Variants in CELF2 observed in about 807,000 individuals in gnomAD.
CELF2 encodes CUGBP Elav-like family member 2.
A neutral mutation model predicts 62.6 loss-of-function variants in CELF2; 8 were observed. The observed-to-expected ratio is 0.13, with a 90% CI of 0.07 to 0.23. The LOEUF is 0.23. Ranked by LOEUF, CELF2 falls within the 10% of genes least tolerant of loss-of-function variation. The pLI is 1.00. For synonymous variants in CELF2, 258 were observed against 250.0 expected (o/e 1.03, Z -0.30); for missense variants, 333 against 671.0 (o/e 0.50, Z 5.56).
the CELF2 span, among the ~76,000 whole-genome samples, chr10:10,558,106 T>G: frequency 6.6e-6 from 1 of 151,768 alleles, no homozygotes; most frequent in Non-Finnish European, 1.5e-5. Context: ...CATCCCTGTC[T>G]TGTGCCAGTT....
At chr10:11,013,152 C>T (rs548919352), upstream of CELF2, among the ~76,000 whole-genome samples, 2 of 152,206 alleles carry the variant, frequency 1.3e-5, no homozygotes, top group Admixed American at 6.5e-5. This position sits in a 1 kb window ranked among gnomAD's most constrained non-coding sequence, Gnocchi z 4.1. Context: ...GAGCAACCCA[C>T]GGCTCCTTTC....
chr10:11,186,746 C>T (rs1326523692), intron 2 of CELF2, among the ~76,000 whole-genome samples: 1 of 151,978 alleles, frequency 6.6e-6, no homozygotes, highest in Non-Finnish European at 1.5e-5. Flanking sequence ...AAGGGATGCT[C>T]AACCAGTAAG....
At position 10,936,430 on chromosome 10, in the gene CELF2, A is replaced by C. The variant is rs2046396865; in HGVS notation, c.89+16431A>C. ...TAGAGCTCCATGGAACCTGTTTTGC[A>C]TCGTCTCCTTGTTTCACAGATGAAT... On this transcript the variant is annotated intron_variant, in intron 2 of 13. Transcript: ENST00000636488. This position sits in a 1 kb window ranked among gnomAD's most constrained non-coding sequence, Gnocchi z 4.0. Among the ~76,000 whole-genome samples the C allele has an allele frequency of 6.6e-6, 1 of 152,170 alleles. No individual in the cohort carries two copies. The highest frequency in any genetic ancestry group is 2.4e-5 in the African/African-American group (1 of 41,444).
chr10:11,323,177 C>G (rs1240218696), intron 11 of CELF2, among the ~76,000 whole-genome samples: 1 of 152,122 alleles, frequency 6.6e-6, no homozygotes, highest in East Asian at 1.9e-4. Context: ...AATTCCCCTT[C>G]TGAGATTAAG....
chr10:10,511,684 G>T, the CELF2 span, among the ~76,000 whole-genome samples: 4 of 151,834 alleles, frequency 2.6e-5, no homozygotes, highest in African/African-American at 9.7e-5. Context: ...TGAGATCTCG[G>T]GTAATTTCTT....
Position 11,217,415 on chromosome 10 carries a change from C to T in CELF2, c.272-10C>T. The T allele has an allele frequency of 6.2e-7, 1 of 1,602,100 alleles. No individual in the cohort carries two copies. The highest frequency in any genetic ancestry group is 2.2e-5 in the East Asian group (1 of 44,752). ...AGAAATTTCTAAAACCTTTTCATTT[C>T]TCTCTGTAGGTTGTTGTTTCGTAAC... On this transcript the variant is annotated splice_polypyrimidine_tract_variant and intron_variant, in intron 2 of 12. Transcript: ENST00000633077. This position sits in a 1 kb window ranked among gnomAD's most constrained non-coding sequence, Gnocchi z 5.6.
At position 11,098,296 on chromosome 10, in the gene CELF2, C is replaced by T. The variant is rs533769962; in HGVS notation, c.75-67190C>T. On this transcript the variant is annotated intron_variant, in intron 1 of 12. Coordinates refer to ENST00000633077, the MANE Select transcript of CELF2 (RefSeq NM_001326342.2). This position sits in a 1 kb window ranked among gnomAD's most constrained non-coding sequence, Gnocchi z 4.0. ...CAGCAGCCCTCGCCTTGTCTTCCTG[C>T]GAAGGTTCAGGAGCCAGTGTGTTCT... 1 of 152,422 alleles carries T rather than the reference C, an allele frequency of 6.6e-6. No individual in the cohort carries two copies. The highest frequency in any genetic ancestry group is 1.9e-4 in the East Asian group (1 of 5,182). 9.4% of individuals were successfully genotyped at this position (152,422 alleles called of 1,614,324 possible). A position where few individuals can be genotyped will look rare whatever the true frequency, so the allele number is the denominator to read the frequency against.
chr10:10,880,965 G>T (rs2061402693), intron 1 of CELF2, among the ~76,000 whole-genome samples: 1 of 152,168 alleles, frequency 6.6e-6, no homozygotes, highest in Admixed American at 6.6e-5. Flanking sequence ...TTTATAGTGA[G>T]AAACTTAGTG....
the CELF2 span, among the ~76,000 whole-genome samples, chr10:10,670,700 T>C: frequency 3.3e-5 from 5 of 152,194 alleles, no homozygotes; most frequent in African/African-American, 9.7e-5. Flanking sequence ...ATCATTATAA[T>C]ATGAGTGGTT....
chr10:11,020,520 T>C (rs2058139285), intron 1 of CELF2, among the ~76,000 whole-genome samples: 2 of 152,188 alleles, frequency 1.3e-5, no homozygotes, highest in African/African-American at 2.4e-5. Flanking sequence ...AAGATAGCCA[T>C]GCGGATTTAT....
chr10:11,114,281 A>G lies in CELF2; in HGVS notation c.75-51205A>G, dbSNP rs1053593730. On this transcript the variant is annotated intron_variant, in intron 1 of 12. Transcript: ENST00000633077. ...CTTTAAGAAATGTTTTGAACATAGA[A>G]ATAATAATTTCTTAATATCCACAAG... Among the ~76,000 whole-genome samples, 4 of 152,232 alleles carry G rather than the reference A, an allele frequency of 2.6e-5. No individual in the cohort carries two copies. The East Asian group carries it at 7.7e-4, about 29-fold the overall frequency.
At chr10:10,796,756 T>A (rs2054161158), upstream of CELF2, 1 of 287,982 alleles carries the variant, frequency 3.5e-6, no homozygotes, top group Non-Finnish European at 5.2e-6. Flanking sequence ...AAGCTATTAT[T>A]ATCACCCACA....
the CELF2 span, among the ~76,000 whole-genome samples, chr10:10,614,928 C>T: frequency 3.9e-5 from 6 of 152,016 alleles, no homozygotes; most frequent in Admixed American, 2.0e-4. Flanking sequence ...AACTCTTTTT[C>T]GGTGGTGGGA....
chr10:11,317,976 A>G (rs1000517290), intron 10 of CELF2: 1 of 152,248 alleles, frequency 6.6e-6, no homozygotes, highest in South Asian at 2.1e-4. Context: ...GGACCATTTC[A>G]AGGAAAAGCC....
chr10:10,896,140 C>T (rs980299917), intron 1 of CELF2, among the ~76,000 whole-genome samples: 2 of 152,092 alleles, frequency 1.3e-5, no homozygotes, highest in Non-Finnish European at 2.9e-5. Flanking sequence ...GGGGAGATAA[C>T]CACTTGAAAG....
chr10:11,038,100 G>A (rs1356927805), intron 1 of CELF2, among the ~76,000 whole-genome samples: 1 of 152,200 alleles, frequency 6.6e-6, no homozygotes, highest in African/African-American at 2.4e-5. Context: ...GTGATAACAG[G>A]CAGAGGAGCT....
At chr10:11,320,190 G>T (rs1259938466) in intron 10 of CELF2, among the ~76,000 whole-genome samples, 20 of 152,148 alleles carry the variant, frequency 1.3e-4, no homozygotes. Context: ...TCTATAAAGT[G>T]TTGCTTGCTT....
the CELF2 span, among the ~76,000 whole-genome samples, chr10:10,564,682 G>GCGCA: frequency 0.029 from 3,826 of 130,772 alleles, 122 homozygotes; most frequent in East Asian, 0.1. Context: ...ACGCACACAC[G>GCGCA]CACACACACA....
chr10:11,170,239 G>T (rs1473508108), intron 2 of CELF2, among the ~76,000 whole-genome samples: 1 of 152,184 alleles, frequency 6.6e-6, no homozygotes, highest in Non-Finnish European at 1.5e-5. Flanking sequence ...TACTTCATTT[G>T]AGACAGAGGG....
Sources: gnomAD v4.1 joint callset for allele counts (sites outside exome capture counted in the v4.1 genomes callset) on GRCh38, gnomAD v4.1.1 for gene constraint, Gnocchi (gnomAD v3.1) non-coding constraint, MANE v1.5 for transcripts, NCBI Gene and HGNC (gene_info 2026-07-23, HGNC 2026-07-21) for gene names.